Variants in IGF2BP2 observed in about 807,000 individuals in gnomAD.
IGF2BP2 encodes the protein insulin-like growth factor 2 mRNA-binding protein 2.
IGF2BP2 carries 17 observed loss-of-function variants against 75.8 expected under a neutral mutation model. That is an observed-to-expected ratio of 0.22 (90% confidence interval 0.15 to 0.34). The LOEUF is 0.34. Among genes scored for constraint, IGF2BP2 ranks in the 10% least tolerant of loss-of-function variants. The pLI is 1.00. For synonymous variants in IGF2BP2, 288 were observed against 295.6 expected, an observed-to-expected ratio of 0.97 and a Z score of 0.26; for missense variants, 516 against 772.4, an observed-to-expected ratio of 0.67 and a Z score of 3.93.
intron 10 of IGF2BP2, among the ~76,000 whole-genome samples, chr3:185,666,015 T>TAGATAGAC (rs1257995118): frequency 6.7e-6 from 1 of 148,374 alleles, no homozygotes; most frequent in East Asian, 2.0e-4. Context: ...GATAGATAGA[T>TAGATAGAC]AGATAGATAG....
At chr3:185,718,236 A>C (rs1255252049) in intron 2 of IGF2BP2, 1 of 152,180 alleles carries the variant, frequency 6.6e-6, no homozygotes, top group Admixed American at 6.5e-5. Context: ...TGTGACACAA[A>C]CCATATGGGC....
intron 2 of IGF2BP2, among the ~76,000 whole-genome samples, chr3:185,786,646 G>A (rs967538982): frequency 6.6e-6 from 1 of 151,864 alleles, no homozygotes; most frequent in Non-Finnish European, 1.5e-5. Flanking sequence ...CTCTCTTTTC[G>A]GACTCAGCCC....
intron 2 of IGF2BP2, among the ~76,000 whole-genome samples, chr3:185,756,376 G>C (rs1450558526): frequency 6.6e-6 from 1 of 152,076 alleles, no homozygotes; most frequent in African/African-American, 2.4e-5. Flanking sequence ...CCCAGTCTCG[G>C]GTGTTCTTTT....
intron 2 of IGF2BP2, among the ~76,000 whole-genome samples, chr3:185,727,236 TAAAAGA>T (rs1400983537): frequency 7.5e-5 from 10 of 133,764 alleles, no homozygotes; most frequent in African/African-American, 2.5e-4. Context: ...AAAAAAAAAG[TAAAAGA>T]AAAAGAAAAA....
chr3:185,768,970 T>A (rs1044739916), intron 2 of IGF2BP2, among the ~76,000 whole-genome samples: 1 of 152,170 alleles, frequency 6.6e-6, no homozygotes, highest in African/African-American at 2.4e-5. Flanking sequence ...GAGATTGCAG[T>A]GAGCTGAGAT....
intron 2 of IGF2BP2, among the ~76,000 whole-genome samples, chr3:185,801,118 T>A (rs142442712): frequency 6.6e-6 from 1 of 152,188 alleles, no homozygotes; most frequent in East Asian, 1.9e-4. Context: ...AAGCTCATCA[T>A]CACGGGTCAT....
At chr3:185,753,199 T>A (rs1310992322) in intron 2 of IGF2BP2, among the ~76,000 whole-genome samples, 2 of 152,140 alleles carry the variant, frequency 1.3e-5, no homozygotes, top group Non-Finnish European at 2.9e-5. Flanking sequence ...TAGAAACACA[T>A]ACAATTGTGG....
intron 2 of IGF2BP2, among the ~76,000 whole-genome samples, chr3:185,765,054 A>G (rs1732866622): frequency 6.6e-6 from 1 of 152,174 alleles, no homozygotes; most frequent in Non-Finnish European, 1.5e-5. Flanking sequence ...ATTTTTCAAG[A>G]GATAATTTAC....
intron 2 of IGF2BP2, among the ~76,000 whole-genome samples, chr3:185,721,122 T>C (rs1461915980): frequency 6.6e-6 from 1 of 152,214 alleles, no homozygotes; most frequent in Non-Finnish European, 1.5e-5. Flanking sequence ...AAAAAATTAG[T>C]GTGTGGATTT....
chr3:185,678,876 G>T (rs899506360), intron 7 of IGF2BP2, among the ~76,000 whole-genome samples: 1 of 152,050 alleles, frequency 6.6e-6, no homozygotes, highest in Admixed American at 6.6e-5. Context: ...ATTGTATAAC[G>T]TCCCTCTTTG....
intron 2 of IGF2BP2, among the ~76,000 whole-genome samples, chr3:185,805,559 C>A (rs967494429): frequency 6.6e-6 from 1 of 151,730 alleles, no homozygotes; most frequent in Non-Finnish European, 1.5e-5. Flanking sequence ...TCCCCAAGGC[C>A]GAGATTATAC....
rs147825594 is a variant in IGF2BP2 at position 185,822,936 on chromosome 3, C to T, written c.239+217G>A. 2.5e-3 allele frequency among the ~76,000 whole-genome samples: 387 copies of T among 151,774 alleles called. 2 individuals are homozygous for T. The highest frequency in any genetic ancestry group is 3.5e-3 in the Non-Finnish European group (240 of 67,966). On this transcript the variant is annotated intron_variant, in intron 2 of 15. Coordinates refer to ENST00000382199, the MANE Select transcript of IGF2BP2 (RefSeq NM_006548.6). ...TAGCTGGTGTTCGCCACCCCGACCC[C>T]CAATTAGGCACCAGATATTTTCCAA...
intron 2 of IGF2BP2, among the ~76,000 whole-genome samples, chr3:185,802,183 A>G (rs531856494): frequency 5.7e-4 from 86 of 152,142 alleles, no homozygotes; most frequent in South Asian, 1.0e-3. Flanking sequence ...AATTAGAAAA[A>G]AAAAAGAAAT....
intron 2 of IGF2BP2, among the ~76,000 whole-genome samples, chr3:185,700,602 G>A (rs531771229): frequency 6.6e-6 from 1 of 152,090 alleles, no homozygotes. Flanking sequence ...TCTGTAGAAA[G>A]GGCATCAGAA....
intron 7 of IGF2BP2, among the ~76,000 whole-genome samples, chr3:185,676,325 T>G (rs1719342279): frequency 6.6e-6 from 1 of 152,052 alleles, no homozygotes; most frequent in Admixed American, 6.6e-5. Context: ...CCAGAACACC[T>G]CTGTGAGAAC....
At chr3:185,737,883 T>C (rs192423806) in intron 2 of IGF2BP2, among the ~76,000 whole-genome samples, 108 of 152,304 alleles carry the variant, frequency 7.1e-4, no homozygotes, top group Middle Eastern at 3.4e-3. Flanking sequence ...CTTTATAACA[T>C]TGTGGTGATC....
chr3:185,768,436 C>T (rs1027449528), intron 2 of IGF2BP2, among the ~76,000 whole-genome samples: 2 of 152,108 alleles, frequency 1.3e-5, no homozygotes, highest in Non-Finnish European at 2.9e-5. Context: ...TTCAGTTTAA[C>T]TTGGTAAAGA....
rs372428281 is a variant in IGF2BP2 at position 185,669,358 on chromosome 3, T to TAC, written c.1200+3181_1200+3182dup. 4.0e-3 allele frequency among the ~76,000 whole-genome samples: 599 copies of TAC among 151,410 alleles called. 3 individuals carry two copies. Among genetic ancestry groups the TAC allele is most frequent in the African/African-American group, 0.014 (559 of 41,316 alleles). ...GAAAAATATAAATCATATATAAATATACACACACACACACGCACATACCTA... is the reference window on the plus strand; with the variant it reads ...GAAAAATATAAATCATATATAAATATACACACACACACACACGCACATACCTA... On this transcript the variant is annotated intron_variant, in intron 10 of 15. Transcript: ENST00000382199.
chr3:185,808,287 CAACATGGTGA>C (rs1739324008), intron 2 of IGF2BP2, among the ~76,000 whole-genome samples: 1 of 150,848 alleles, frequency 6.6e-6, no homozygotes, highest in African/African-American at 2.5e-5. Flanking sequence ...ACCAGCCTGC[CAACATGGTGA>C]AACACTGTCT....
Sources: gnomAD v4.1 joint callset for allele counts (sites outside exome capture counted in the v4.1 genomes callset) on GRCh38, gnomAD v4.1.1 for gene constraint, MANE v1.5 for transcripts, NCBI Gene and HGNC (gene_info 2026-07-23, HGNC 2026-07-21) for gene names.